The following CLEC4F variants were observed in gnomAD, a reference collection of about 807,000 sequenced individuals.
CLEC4F encodes C-type (calcium dependent, carbohydrate-recognition domain) lectin, superfamily member 13.
Under a neutral mutation model 53.4 loss-of-function variants are expected in CLEC4F, and 45 were observed. That is an observed-to-expected ratio of 0.84 (90% confidence interval 0.66 to 1.08). CLEC4F has a LOEUF of 1.08. CLEC4F is among the 50% of genes least tolerant of loss of function. The pLI is 0.00. For missense variants in CLEC4F, 753 were observed against 698.2 expected (o/e 1.08, Z -0.88); for synonymous variants, 245 against 257.5 (o/e 0.95, Z 0.46).
rs150218766 is a variant in CLEC4F at position 70,816,741 on chromosome 2, C to T, written c.640G>A (p.Val214Met). ...SLENTSIELH[V>M]LSRGLENANS... ...GCATTTTCTAAGCCTCTGCTTAGCA[C>T]GTGGAGCTCAATGCTGGTGTTTTCT... The change falls in exon 4 of 7, where the codon GTG (valine) becomes ATG (methionine). Residue 214 changes from valine (V) to methionine (M), a missense_variant. Val to Met is a conservative substitution (Grantham distance 21). Transcript: ENST00000272367. 4.9e-5 allele frequency: 79 copies of T among 1,614,186 alleles called. No individual in the cohort carries two copies. The East Asian group carries it at 8.2e-4, about 17-fold the overall frequency.
At position 70,816,991 on chromosome 2, in the gene CLEC4F, A is replaced by G. The variant is rs1676958306; in HGVS notation, c.390T>C (p.Asn130=). The stretch of plus-strand genomic sequence containing the variant: ...CGAGCACCTGGAGCTGCGAATTGAC[A>G]TTGTCCACTCTGCACTTCAACATCT... ...EIQMLKCRVD[N]VNSQLQVLGD... Residue 130 remains asparagine (N), a synonymous_variant, in exon 4 of 7, where the codon AAT becomes AAC. Transcript: ENST00000272367. 31 of 1,614,114 alleles carry G rather than the reference A, an allele frequency of 1.9e-5. No homozygotes were observed. Among genetic ancestry groups the G allele is most frequent in the African/African-American group, 2.7e-5 (2 of 75,032 alleles).
At chr2:70,820,866 G>A (rs1677197080), upstream of CLEC4F, among the ~76,000 whole-genome samples, 6 of 152,130 alleles carry the variant, frequency 3.9e-5, no homozygotes, top group South Asian at 1.2e-3. Flanking sequence ...TAGGAAGGGG[G>A]TCTCAGCTTT....
intron 5 of CLEC4F, among the ~76,000 whole-genome samples, chr2:70,810,359 C>T (rs1676478040): frequency 6.6e-6 from 1 of 152,108 alleles, no homozygotes; most frequent in South Asian, 2.1e-4. Context: ...TGGCTCATGC[C>T]TGTAATCCCA....
chr2:70,809,492 G>A (rs1439042625), intron 6 of CLEC4F, 110 bp from the exon 7 acceptor site: 16 of 1,202,248 alleles, frequency 1.3e-5, no homozygotes, highest in African/African-American at 9.1e-5. Flanking sequence ...AGGTGAGAGC[G>A]ATGACCACAC....
At chr2:70,821,599 G>A (rs146171168), upstream of CLEC4F, among the ~76,000 whole-genome samples, 131 of 152,314 alleles carry the variant, frequency 8.6e-4, 1 homozygote, top group African/African-American at 3.0e-3. Flanking sequence ...GCCTTGCCCT[G>A]TGTACCTCTT....
rs782626464 is a variant in CLEC4F at position 70,809,249 on chromosome 2, G to A, written c.*22C>T. On this transcript the variant is annotated 3_prime_UTR_variant, in exon 7 of 7. Transcript: ENST00000272367. ...GGGCTGGGAGAAGGAGTACCCTGAG[G>A]GTGTCTGTGCTCAGGTTGCTCTTAG... The A allele has an allele frequency of 1.9e-6, 3 of 1,612,392 alleles. No individual in the cohort carries two copies. The South Asian group carries it at 3.3e-5, about 18-fold the overall frequency.
rs782146578 is a variant in CLEC4F, at chr2:70,819,434, C to T, written c.189G>A (p.Gln63=). 2.5e-6 allele frequency: 4 copies of T among 1,614,134 alleles called. No individual in the cohort carries two copies. In the African/African-American group the frequency reaches 4.0e-5, roughly 16 times the overall value. The part of the protein sequence containing the change: ...LVTLFVVVQQ[Q]TRPVPKPVQA... ...GCACAGGCTTCGGAACAGGTCTTGT[C>T]TGCTGTTGAACTGAGACATTCCATT... The change falls in exon 3 of 7, where the codon CAG becomes CAA. Residue 63 remains glutamine (Q), a synonymous_variant. Coordinates refer to ENST00000272367, the MANE Select transcript of CLEC4F (RefSeq NM_173535.3).
In CLEC4F at chr2:70,812,140, A is replaced by T. The variant is rs79485519; in HGVS notation, c.1539+307T>A. ...CAAGCCTGAGAGAAAAACAAATGCA[A>T]GAGAAGGGAAGTGTGCTCCTAGCAC... is the stretch of plus-strand genomic sequence containing the variant. On this transcript the variant is annotated intron_variant, in intron 5 of 6. Coordinates refer to ENST00000272367, the MANE Select transcript of CLEC4F (RefSeq NM_173535.3). Among the ~76,000 whole-genome samples, 482 of 152,310 alleles carry T rather than the reference A, an allele frequency of 3.2e-3. 3 individuals carry two copies. Among genetic ancestry groups the T allele is most frequent in the African/African-American group, 0.011 (463 of 41,572 alleles).
chr2:70,809,068 T>G lies in CLEC4F; in HGVS notation c.*203A>C, dbSNP rs1553393369. 2 of 1,543,374 alleles carry G rather than the reference T, an allele frequency of 1.3e-6. No homozygotes were observed. The highest frequency in any genetic ancestry group is 2.4e-5 in the South Asian group (2 of 84,042). On this transcript the variant is annotated 3_prime_UTR_variant, in exon 7 of 7. Coordinates refer to ENST00000272367, the MANE Select transcript of CLEC4F (RefSeq NM_173535.3). ...GTGCCGCCAGTTGTCAGACTGATTC[T>G]TTTCCCAAAACCCGAAGACAACAGG...
upstream of CLEC4F, chr2:70,820,617 A>C: frequency 1.6e-6 from 2 of 1,248,056 alleles, no homozygotes. Context: ...AAGCTGAGAC[A>C]CCCACACTTA....
Position 70,820,577 on chromosome 2 carries a change from C to T in CLEC4F, c.-54G>A, listed in dbSNP as rs2104685157. On this transcript the variant is annotated 5_prime_UTR_variant, in exon 1 of 7. Coordinates refer to ENST00000272367, the MANE Select transcript of CLEC4F (RefSeq NM_173535.3). ...TCCCAGCCACTGGCTCCTGGAAGGG[C>T]CGTCCCGTGGACCAATGGCAGTGGA... 1 of 1,534,380 alleles carries T rather than the reference C, an allele frequency of 6.5e-7. No individual in the cohort carries two copies. The highest frequency in any genetic ancestry group is 1.2e-5 in the South Asian group (1 of 82,716).
rs1388117648 is a variant in CLEC4F, at chr2:70,815,143, G to T, written c.1387+851C>A. Among the ~76,000 whole-genome samples the T allele has an allele frequency of 2.0e-5, 3 of 152,128 alleles. No homozygotes were observed. The East Asian group carries it at 5.8e-4, about 29-fold the overall frequency. On this transcript the variant is annotated intron_variant, in intron 4 of 6. Coordinates refer to ENST00000272367, the MANE Select transcript of CLEC4F (RefSeq NM_173535.3). Reference sequence around the variant, plus strand: ...CCCAAACACTCCCTTCTGTCTCTCAGCTGCCCTCTTGTCCACAGGCCAGTC... The same window carrying T: ...CCCAAACACTCCCTTCTGTCTCTCATCTGCCCTCTTGTCCACAGGCCAGTC...
At position 70,819,796 on chromosome 2, in the gene CLEC4F, G is replaced by A. The variant is rs1677130382; in HGVS notation, c.157C>T (p.Leu53Phe). Residue 53 changes from leucine (L) to phenylalanine (F), a missense_variant, in exon 2 of 7, where the codon CTT (leucine) becomes TTT (phenylalanine). Physicochemically the swap from Leu to Phe is conservative, Grantham distance 22. Transcript: ENST00000272367. ...AFMAVTLVFS[L>F]VTLFVVVQQQ... Reference sequence around the variant, plus strand: ...TTACCCACTACAAAGAGAGTCACAAGAGAGAAGACCAAGGTCACAGCCATA... The same window carrying A: ...TTACCCACTACAAAGAGAGTCACAAAAGAGAAGACCAAGGTCACAGCCATA... 6.2e-7 allele frequency: 1 copy of A among 1,603,294 alleles called. No homozygotes were observed. The highest frequency in any genetic ancestry group is 8.5e-7 in the Non-Finnish European group (1 of 1,175,348).
intron 4 of CLEC4F, among the ~76,000 whole-genome samples, chr2:70,814,376 G>C (rs1470655337): frequency 6.6e-6 from 1 of 152,184 alleles, no homozygotes; most frequent in East Asian, 1.9e-4. Context: ...GAAAGTCCCA[G>C]TAAGAGATGG....
upstream of CLEC4F, among the ~76,000 whole-genome samples, chr2:70,824,616 A>G (rs1677301931): frequency 8.6e-6 from 1 of 116,906 alleles, no homozygotes; most frequent in Non-Finnish European, 1.8e-5. Context: ...GGAGATGCTT[A>G]GTTACCAAAA....
intron 3 of CLEC4F, among the ~76,000 whole-genome samples, 163 bp downstream of exon 3, chr2:70,819,192 T>C (rs1677086586): frequency 1.3e-5 from 2 of 152,130 alleles, no homozygotes; most frequent in Admixed American, 1.3e-4. Context: ...ATATACACCA[T>C]TAGACCTCAA....
At chr2:70,810,009 GA>G (rs1574363403) in intron 5 of CLEC4F, 152 bp from the exon 6 acceptor site, 1 of 620,876 alleles carries the variant, frequency 1.6e-6, no homozygotes, top group African/African-American at 1.8e-5. Context: ...CTCATTTGGG[GA>G]AAGTTAAGAG....
In CLEC4F at chr2:70,808,993, T is replaced by C; in HGVS notation, c.*278A>G. 1 of 1,280,978 alleles carries C rather than the reference T, an allele frequency of 7.8e-7. No homozygotes were observed. The highest frequency in any genetic ancestry group is 2.0e-5 in the Admixed American group (1 of 50,314). The allele number at this position is 1,280,978 out of a possible 1,614,324, so 79.4% of individuals were successfully genotyped here. A position where few individuals can be genotyped will look rare whatever the true frequency, so the allele number is the denominator to read the frequency against. The stretch of plus-strand genomic sequence containing the variant: ...CTGATAGGGGGTGTCACAGGTCATG[T>C]CATTCCACTTCTGCTGAATTTGGAC... On this transcript the variant is annotated 3_prime_UTR_variant, in exon 7 of 7. Coordinates refer to ENST00000272367, the MANE Select transcript of CLEC4F (RefSeq NM_173535.3).
intron 3 of CLEC4F, among the ~76,000 whole-genome samples, chr2:70,818,387 T>C (rs551139608): frequency 2.0e-5 from 3 of 152,152 alleles, no homozygotes; most frequent in Admixed American, 2.0e-4. Flanking sequence ...ATACAATAAT[T>C]AACTCAAATG....
Sources: gnomAD v4.1 joint callset for allele counts (sites outside exome capture counted in the v4.1 genomes callset) on GRCh38, gnomAD v4.1.1 for gene constraint, MANE v1.5 for transcripts, NCBI Gene and HGNC (gene_info 2026-07-23, HGNC 2026-07-21) for gene names.